The following FAF1 variants were observed in gnomAD, a reference collection of about 807,000 sequenced individuals.
FAF1 encodes the protein FAS-associated factor 1.
Under a neutral mutation model 92.5 loss-of-function variants are expected in FAF1, and 25 were observed. The observed-to-expected ratio is 0.27, with a 90% confidence interval of 0.20 to 0.38. The LOEUF (loss-of-function observed/expected upper bound fraction) is 0.38. Ranked by LOEUF, FAF1 falls within the 10% of genes least tolerant of loss-of-function variation. The probability of loss-of-function intolerance (pLI) is 1.00; values close to 1 mark genes in which losing one functional copy is unlikely to be tolerated. For synonymous variants in FAF1, 234 were observed against 273.2 expected (o/e 0.86, Z 1.42); for missense variants, 636 against 793.3 (o/e 0.80, Z 2.38).
intron 1 of FAF1, among the ~76,000 whole-genome samples, chr1:50,883,593 C>T (rs1392724038): frequency 6.6e-6 from 1 of 152,166 alleles, no homozygotes; most frequent in African/African-American, 2.4e-5. Context: ...CTATCCTGGA[C>T]CCCTCACAAG....
At chr1:50,886,746 T>C (rs893836291) in intron 1 of FAF1, among the ~76,000 whole-genome samples, 5 of 152,230 alleles carry the variant, frequency 3.3e-5, no homozygotes, top group Non-Finnish European at 7.3e-5. Context: ...CAATGGTGTA[T>C]ATGTGCCACA....
chr1:50,842,255 T>A (rs1444468902), intron 2 of FAF1, among the ~76,000 whole-genome samples: 1 of 152,064 alleles, frequency 6.6e-6, no homozygotes, highest in Non-Finnish European at 1.5e-5. Context: ...AGTTCCTAGG[T>A]TGATGCAGCC....
At chr1:50,568,947 T>G (rs1461034034) in intron 12 of FAF1, among the ~76,000 whole-genome samples, 2 of 152,140 alleles carry the variant, frequency 1.3e-5, no homozygotes, top group African/African-American at 2.4e-5. Flanking sequence ...TATGTGTTAA[T>G]TCATTTATTC....
At chr1:50,661,027 T>C (rs1655347702) in intron 7 of FAF1, among the ~76,000 whole-genome samples, 1 of 152,104 alleles carries the variant, frequency 6.6e-6, no homozygotes, top group South Asian at 2.1e-4. Context: ...TTAAAACTAT[T>C]AATGCTACAA....
chr1:50,755,157 C>A (rs914542328), intron 4 of FAF1, among the ~76,000 whole-genome samples: 6 of 152,138 alleles, frequency 3.9e-5, no homozygotes, highest in African/African-American at 1.4e-4. Flanking sequence ...CAGTCCAAAT[C>A]TGAGACAAGG....
chr1:50,902,681 G>C (rs896472509), intron 1 of FAF1, among the ~76,000 whole-genome samples: 2 of 152,018 alleles, frequency 1.3e-5, no homozygotes, highest in South Asian at 2.1e-4. Context: ...TCTATAAAAT[G>C]GCATAGTATT....
intron 1 of FAF1, among the ~76,000 whole-genome samples, chr1:50,927,681 T>C (rs993489540): frequency 7.2e-5 from 11 of 152,208 alleles, no homozygotes; most frequent in Middle Eastern, 3.2e-3. Flanking sequence ...GAAGGAGGCT[T>C]CTGGAACTCT....
At chr1:50,682,879 G>A (rs777966802) in intron 7 of FAF1, among the ~76,000 whole-genome samples, 13 of 150,896 alleles carry the variant, frequency 8.6e-5, no homozygotes, top group African/African-American at 2.9e-4. Flanking sequence ...GGATCATGAG[G>A]TCAGGTGATC....
At chr1:50,945,692 T>A (rs1411697252) in intron 1 of FAF1, among the ~76,000 whole-genome samples, 1 of 152,208 alleles carries the variant, frequency 6.6e-6, no homozygotes, top group Non-Finnish European at 1.5e-5. Flanking sequence ...GTTTTCATAG[T>A]TCACAGCTTT....
At position 50,582,652 on chromosome 1, in the gene FAF1, G is replaced by A. The variant is rs766015093; in HGVS notation, c.1079C>T (p.Ala360Val). The change falls in exon 12 of 19, where the codon GCT (alanine) becomes GTT (valine). Residue 360 changes from alanine (A) to valine (V), a missense_variant. Coordinates refer to ENST00000396153, the MANE Select transcript of FAF1 (RefSeq NM_007051.3). ...TTTCACATAGAAGGCCTCTTGAAAA[G>A]CAGCTTCTAATGAGCCAATAAAAAA... ...PVFFIGSLEA[A>V]FQEAFYVKAR... 3.7e-6 allele frequency: 6 copies of A among 1,612,962 alleles called. No homozygotes were observed. Among genetic ancestry groups the A allele is most frequent in the Non-Finnish European group, 5.1e-6 (6 of 1,179,106 alleles).
chr1:50,705,647 C>A, intron 7 of FAF1, 139 bp downstream of exon 7: 1 of 539,756 alleles, frequency 1.9e-6, no homozygotes, highest in South Asian at 3.0e-5. Flanking sequence ...ATCATTGATG[C>A]TCCAGTTAAT....
rs763948352 is a variant in FAF1 at position 50,584,724 on chromosome 1, A to T, written c.928T>A (p.Phe310Ile). The change falls in exon 10 of 19, where the codon TTT becomes ATT. Residue 310 changes from phenylalanine to isoleucine, a missense_variant. Physicochemically the swap from Phe to Ile is conservative, Grantham distance 21 (BLOSUM62 0). Coordinates refer to ENST00000396153, the MANE Select transcript of FAF1 (RefSeq NM_007051.3). ...CTCAAGGCAGATGACGCCATGCCAAATACTTCTCCATCATCCACCCCAAAT... is the reference window on the plus strand; with the variant it reads ...CTCAAGGCAGATGACGCCATGCCAATTACTTCTCCATCATCCACCCCAAAT... The part of the protein sequence containing the change: ...TEFGVDDGEV[F>I]GMASSALRKS... 1.9e-6 allele frequency: 3 copies of T among 1,613,726 alleles called. No homozygotes were observed. The highest frequency in any genetic ancestry group is 2.5e-6 in the Non-Finnish European group (3 of 1,179,706).
chr1:50,620,153 C>T (rs1349968212), intron 8 of FAF1, among the ~76,000 whole-genome samples: 6 of 152,156 alleles, frequency 3.9e-5, no homozygotes, highest in South Asian at 2.1e-4. Context: ...ATGATCCGCC[C>T]GCCTCGGCCT....
intron 1 of FAF1, among the ~76,000 whole-genome samples, chr1:50,925,649 A>G (rs1645000434): frequency 6.6e-6 from 1 of 152,232 alleles, no homozygotes; most frequent in Non-Finnish European, 1.5e-5. Context: ...GTTGGTGGGA[A>G]TATAAATTAG....
chr1:50,615,342 G>A (rs1237165929), intron 8 of FAF1, among the ~76,000 whole-genome samples: 1 of 152,152 alleles, frequency 6.6e-6, no homozygotes, highest in Non-Finnish European at 1.5e-5. Flanking sequence ...CACTGCAAGT[G>A]TCATTTTGGT....
intron 3 of FAF1, among the ~76,000 whole-genome samples, chr1:50,795,801 T>C (rs12081305): frequency 0.02 from 3,048 of 152,236 alleles, 99 homozygotes; most frequent in African/African-American, 0.071. Context: ...AGAATGTTGC[T>C]TGGCCATTTT....
At chr1:50,757,567 T>C (rs1249485728) in intron 4 of FAF1, among the ~76,000 whole-genome samples, 1 of 152,322 alleles carries the variant, frequency 6.6e-6, no homozygotes, top group East Asian at 1.9e-4. Context: ...ACATAGATCC[T>C]TCAGGTTATG....
At chr1:50,599,033 A>T (rs905587065) in intron 8 of FAF1, among the ~76,000 whole-genome samples, 1 of 152,154 alleles carries the variant, frequency 6.6e-6, no homozygotes, top group African/African-American at 2.4e-5. Flanking sequence ...GGTTCTTGAG[A>T]TTCTTTCAGT....
intron 8 of FAF1, among the ~76,000 whole-genome samples, chr1:50,599,081 A>G (rs1395203923): frequency 6.6e-6 from 1 of 152,184 alleles, no homozygotes; most frequent in Non-Finnish European, 1.5e-5. Flanking sequence ...AATAATACTT[A>G]AATGGCATTA....
Sources: allele counts gnomAD v4.1 joint callset (sites outside exome capture counted in the v4.1 genomes callset), GRCh38; gene constraint gnomAD v4.1.1; transcripts MANE v1.5; gene names NCBI Gene and HGNC (gene_info 2026-07-23, HGNC 2026-07-21).